Variants in ZNF584 observed in about 807,000 individuals in gnomAD.
The protein encoded by ZNF584 is zinc finger protein 584.
Under a neutral mutation model 14.7 loss-of-function variants are expected in ZNF584, and 12 were observed. That is an observed-to-expected ratio of 0.82 (90% CI 0.52 to 1.32). ZNF584 has a LOEUF of 1.32. Ranked by LOEUF, ZNF584 falls within the 40% of genes most tolerant of loss-of-function variation. The probability of loss-of-function intolerance (pLI) is 0.00; values close to 1 mark genes in which losing one functional copy is unlikely to be tolerated. For missense variants in ZNF584, 478 were observed against 518.8 expected, an observed-to-expected ratio of 0.92 and a Z score of 0.76; for synonymous variants, 204 against 190.9, an observed-to-expected ratio of 1.07 and a Z score of -0.57.
In ZNF584 at chr19:58,410,013, T is replaced by TG; in HGVS notation, c.96dup (p.Leu33AlafsTer3). ...GACGGTATATTTCTCCAGGGAGGAG[T>TG]GGGGGCTCCTTAATGTGACCCAGAA... On this transcript the variant is annotated frameshift_variant, in exon 2 of 4. Coordinates refer to ENST00000306910, the MANE Select transcript of ZNF584 (RefSeq NM_173548.3). LOFTEE classifies it high-confidence loss of function. The TG allele has an allele frequency of 6.2e-7, 1 of 1,613,662 alleles. No homozygotes were observed. Among genetic ancestry groups the TG allele is most frequent in the Non-Finnish European group, 8.5e-7 (1 of 1,179,916 alleles).
intron 1 of ZNF584, among the ~76,000 whole-genome samples, chr19:58,401,924 C>G (rs1180843781): frequency 4.2e-5 from 5 of 118,974 alleles, no homozygotes; most frequent in African/African-American, 2.2e-4. Flanking sequence ...TTTTTTTTAG[C>G]CGGACGTGGT....
In ZNF584 at chr19:58,411,026, A is replaced by G. The variant is rs147008057; in HGVS notation, c.169+935A>G. On this transcript the variant is annotated intron_variant, in intron 2 of 3. Coordinates refer to ENST00000306910, the MANE Select transcript of ZNF584 (RefSeq NM_173548.3). The stretch of plus-strand genomic sequence containing the variant: ...AGGCTGGTCTTGAACTCCGGACCTC[A>G]TGATCTGCCTGCCTTGGCCTCTCAA... Among the ~76,000 whole-genome samples the G allele has an allele frequency of 8.2e-3, 1,232 of 151,066 alleles. 15 individuals are homozygous for G. Among genetic ancestry groups the G allele is most frequent in the South Asian group, 0.021 (102 of 4,780 alleles).
intron 2 of ZNF584, among the ~76,000 whole-genome samples, 199 bp from the exon 3 acceptor site, chr19:58,415,325 G>A (rs1368521681): frequency 6.6e-6 from 1 of 152,106 alleles, no homozygotes; most frequent in Non-Finnish European, 1.5e-5. Context: ...TAGTAACTGG[G>A]ACTACAGGTG....
intron 2 of ZNF584, among the ~76,000 whole-genome samples, 191 bp downstream of exon 2, chr19:58,410,282 G>A (rs1237255367): frequency 6.6e-6 from 1 of 151,614 alleles, no homozygotes; most frequent in African/African-American, 2.4e-5. Context: ...TCTGAGCAAT[G>A]CTGTTGGCAG....
At chr19:58,402,288 C>T (rs1408788877) in intron 1 of ZNF584, among the ~76,000 whole-genome samples, 3 of 152,020 alleles carry the variant, frequency 2.0e-5, no homozygotes, top group African/African-American at 4.8e-5. Flanking sequence ...TTCCTCTGCT[C>T]TGTAAGCCTC....
chr19:58,411,713 G>A (rs1261730816), intron 2 of ZNF584, among the ~76,000 whole-genome samples: 2 of 149,410 alleles, frequency 1.3e-5, no homozygotes, highest in African/African-American at 2.5e-5. Flanking sequence ...GCGCGATCTC[G>A]GCTCACTGCA....
At position 58,416,920 on chromosome 19, in the gene ZNF584, T is replaced by C. The variant is rs753389258; in HGVS notation, c.402T>C (p.Thr134=). ...THSEGKPRRH[T]EHGAAFPPGS... is the part of the protein sequence containing the mutation. Reference sequence around the variant, plus strand: ...GTGAGGGGAAACCAAGAAGGCACACTGAGCATGGGGCAGCTTTCCCACCTG... The same window carrying C: ...GTGAGGGGAAACCAAGAAGGCACACCGAGCATGGGGCAGCTTTCCCACCTG... The change falls in exon 4 of 4, where the codon ACT becomes ACC. Residue 134 remains threonine (T), a synonymous_variant. Transcript: ENST00000306910. 1 of 1,613,136 alleles carries C rather than the reference T, an allele frequency of 6.2e-7. No homozygotes were observed. Among genetic ancestry groups the C allele is most frequent in the Non-Finnish European group, 8.5e-7 (1 of 1,179,438 alleles).
At chr19:58,409,200 C>T in intron 1 of ZNF584, 35 bp downstream of exon 1, 3 of 1,404,448 alleles carry the variant, frequency 2.1e-6, no homozygotes, top group Non-Finnish European at 2.8e-6. Context: ...ATGAGGGGGC[C>T]CACCAGGTGG....
In ZNF584 at chr19:58,410,685, GTATATATGTATATATATA is replaced by G. The variant is rs1398822238; in HGVS notation, c.169+596_169+613del. 3.0e-4 allele frequency among the ~76,000 whole-genome samples: 8 copies of G among 26,738 alleles called. 1 individual carries two copies. Among genetic ancestry groups the G allele is most frequent in the African/African-American group, 1.1e-3 (4 of 3,682 alleles). The allele number at this position is 26,738 out of a possible 152,430, so 17.5% of individuals were successfully genotyped here. A position where few individuals can be genotyped will look rare whatever the true frequency, so the allele number is the denominator to read the frequency against. On this transcript the variant is annotated intron_variant, in intron 2 of 3. Coordinates refer to ENST00000306910, the MANE Select transcript of ZNF584 (RefSeq NM_173548.3). ...TATATGTATATATGTGTATATATATGTATATATGTATATATATATGTATATATGTGTATATATATATGT... is the reference window on the plus strand; with the variant it reads ...TATATGTATATATGTGTATATATATGTGTATATATGTGTATATATATATGT...
intron 2 of ZNF584, among the ~76,000 whole-genome samples, chr19:58,410,778 ATTTTTTTTTTTT>A (rs869150389): frequency 1.1e-4 from 1 of 8,946 alleles, no homozygotes; most frequent in African/African-American, 9.1e-4. Context: ...TATATATATA[ATTTTTTTTTTTT>A]TTTTTTTTTT....
chr19:58,410,693 G>A (rs1207397077), intron 2 of ZNF584, among the ~76,000 whole-genome samples: 4 of 41,910 alleles, frequency 9.5e-5, no homozygotes, highest in Non-Finnish European at 1.6e-4. Flanking sequence ...ATGTATATAT[G>A]TATATATATA....
Position 58,417,174 on chromosome 19 carries a change from G to A in ZNF584, c.656G>A (p.Cys219Tyr). 7 of 1,613,722 alleles carry A rather than the reference G, an allele frequency of 4.3e-6. No homozygotes were observed. The highest frequency in any genetic ancestry group is 4.5e-5 in the East Asian group (2 of 44,868). The change falls in exon 4 of 4, where the codon TGT (cysteine) becomes TAT (tyrosine). Residue 219 changes from cysteine to tyrosine, a missense_variant. Around this residue, in one of 3 missense-constraint regions of ZNF584, gnomAD observed 283 missense variants for 317.3 expected, o/e 0.89. Transcript: ENST00000306910. ...TGETAHVCNE[C>Y]GKAFSYPSKL... ...GAAACAGCCCATGTGTGTAATGAAT[G>A]TGGGAAGGCCTTCAGTTACCCGTCT...
At chr19:58,409,445 T>C (rs904539018) in intron 1 of ZNF584, among the ~76,000 whole-genome samples, 1 of 152,196 alleles carries the variant, frequency 6.6e-6, no homozygotes, top group Non-Finnish European at 1.5e-5. Flanking sequence ...ACTGGGGACG[T>C]TGTGCTGGGG....
upstream of ZNF584, chr19:58,404,870 C>CTG (rs1568579646): frequency 4.0e-3 from 563 of 141,434 alleles, 18 homozygotes; most frequent in South Asian, 0.014. Flanking sequence ...GGGCTGACCC[C>CTG]CCCCCCCACC....
At chr19:58,405,992 G>T (rs1195632971), upstream of ZNF584, 5 of 182,782 alleles carry the variant, frequency 2.7e-5, no homozygotes, top group Admixed American at 6.3e-5. Context: ...GGCCAAGGCG[G>T]GTTGCTGGGA....
chr19:58,410,545 A>T (rs1324208046), intron 2 of ZNF584, among the ~76,000 whole-genome samples: 184 of 30,472 alleles, frequency 6.0e-3, no homozygotes, highest in Non-Finnish European at 8.1e-3. Context: ...ATATATATAT[A>T]TATATATATA....
intron 1 of ZNF584, among the ~76,000 whole-genome samples, chr19:58,402,457 A>G (rs765883181): frequency 2.3e-4 from 35 of 152,368 alleles, no homozygotes; most frequent in Non-Finnish European, 3.7e-4. Context: ...CCAGACATCT[A>G]CTTGTTCTTT....
chr19:58,409,378 C>T (rs971933724), intron 1 of ZNF584, among the ~76,000 whole-genome samples: 12 of 152,208 alleles, frequency 7.9e-5, no homozygotes, highest in Non-Finnish European at 1.3e-4. Context: ...GCCAGGCCCT[C>T]TGGAGACGCA....
chr19:58,403,958 C>CAAA (rs35295910), upstream of ZNF584, among the ~76,000 whole-genome samples: 5,363 of 79,838 alleles, frequency 0.067, 395 homozygotes, highest in African/African-American at 0.2. Context: ...AACTCCGTCT[C>CAAA]AAAAAAAAAA....
Sources: gnomAD v4.1 joint callset for allele counts (sites outside exome capture counted in the v4.1 genomes callset) on GRCh38, gnomAD v4.1.1 for gene constraint, gnomAD v4.1.1 regional missense constraint, MANE v1.5 for transcripts, NCBI Gene and HGNC (gene_info 2026-07-23, HGNC 2026-07-21) for gene names.